Variants in CMIP observed in about 807,000 individuals in gnomAD.
CMIP encodes the protein c-Maf inducing protein.
Under a neutral mutation model 97.3 loss-of-function variants are expected in CMIP, and 13 were observed. That is an observed-to-expected ratio of 0.13 (90% CI 0.09 to 0.21). CMIP has a LOEUF of 0.21. Ranked by LOEUF, CMIP falls within the 10% of genes least tolerant of loss-of-function variation. CMIP has a pLI of 1.00. For missense variants in CMIP, 847 were observed against 1,024.9 expected (o/e 0.83, Z 2.37); for synonymous variants, 538 against 436.3 (o/e 1.23, Z -2.91).
chr16:81,471,840 T>G (rs2927336), intron 1 of CMIP, among the ~76,000 whole-genome samples: 25,433 of 152,152 alleles, frequency 0.17, 3,221 homozygotes, highest in African/African-American at 0.36. Flanking sequence ...ACATGCAGTG[T>G]GGACAAACTG....
intron 1 of CMIP, among the ~76,000 whole-genome samples, chr16:81,536,753 CT>C (rs796637063): frequency 2.3e-4 from 35 of 149,818 alleles, no homozygotes; most frequent in African/African-American, 8.3e-4. Flanking sequence ...CACTGCTTGT[CT>C]TTTTTTTTTC....
chr16:81,498,927 T>C (rs887651380), intron 1 of CMIP, among the ~76,000 whole-genome samples: 85 of 152,352 alleles, frequency 5.6e-4, no homozygotes, highest in African/African-American at 1.8e-3. Context: ...ATTTATTTTT[T>C]AACACACACA....
chr16:81,549,757 A>G (rs2090616647), intron 1 of CMIP, among the ~76,000 whole-genome samples: 1 of 152,350 alleles, frequency 6.6e-6, no homozygotes, highest in African/African-American at 2.4e-5. Context: ...TGGGTGCCCC[A>G]GCAGGGCACA....
intron 1 of CMIP, among the ~76,000 whole-genome samples, chr16:81,511,792 GC>G (rs2089815572): frequency 6.6e-6 from 1 of 152,058 alleles, no homozygotes; most frequent in South Asian, 2.1e-4. Context: ...GAACTCCTGG[GC>G]TCAAGTGATC....
At chr16:81,509,645 G>T (rs1314033634) in intron 1 of CMIP, among the ~76,000 whole-genome samples, 1 of 152,314 alleles carries the variant, frequency 6.6e-6, no homozygotes, top group East Asian at 1.9e-4. Flanking sequence ...GCGGCCCTAA[G>T]CAGAGCCCTA....
At chr16:81,693,072 G>C (rs2151082413) in intron 11 of CMIP, 86 bp from the exon 12 acceptor site, 1 of 941,854 alleles carries the variant, frequency 1.1e-6, no homozygotes, top group South Asian at 1.4e-5. Context: ...ATAAAGTCTA[G>C]ACGTCCCCAG....
chr16:81,623,131 G>T (rs2092014937), intron 3 of CMIP, among the ~76,000 whole-genome samples: 1 of 152,204 alleles, frequency 6.6e-6, no homozygotes, highest in Admixed American at 6.5e-5. Context: ...TTGAGCCCAG[G>T]AGATGGAGGT....
chr16:81,709,793 C>T lies in CMIP; in HGVS notation c.2316C>T (p.Ala772=). Residue 772 remains alanine (A), a synonymous_variant, in exon 21 of 21, where the codon GCC becomes GCT. Transcript: ENST00000537098. ...LKEVDVRYTE[A]W is the part of the protein sequence containing the mutation. Reference sequence around the variant, plus strand: ...AAGTGGACGTCCGCTACACCGAAGCCTGGTGAAGCTCCCAGCTCAAGGCAG... The same window carrying T: ...AAGTGGACGTCCGCTACACCGAAGCTTGGTGAAGCTCCCAGCTCAAGGCAG... The T allele has an allele frequency of 6.2e-7, 1 of 1,613,926 alleles. No homozygotes were observed. Among genetic ancestry groups the T allele is most frequent in the Non-Finnish European group, 8.5e-7 (1 of 1,179,840 alleles).
intron 2 of CMIP, among the ~76,000 whole-genome samples, chr16:81,609,560 A>G (rs2091797560): frequency 6.6e-6 from 1 of 152,240 alleles, no homozygotes. Context: ...AGAGCCATAA[A>G]CAAATGATTA....
At position 81,683,756 on chromosome 16, in the gene CMIP, C is replaced by CTTTTTTTT. The variant is rs71272426; in HGVS notation, c.1388+5144_1388+5151dup. On this transcript the variant is annotated intron_variant, in intron 10 of 20. Transcript: ENST00000537098. ...TTATATGTGTTTATTTTTTCTTTTTCTTTTTTTTTTTTTTTTTTTTTTTGC... is the reference window on the plus strand; with the variant it reads ...TTATATGTGTTTATTTTTTCTTTTTCTTTTTTTTTTTTTTTTTTTTTTTTTTTTTTTGC... Among the ~76,000 whole-genome samples the CTTTTTTTT allele has an allele frequency of 1.5e-3, 123 of 81,610 alleles. 2 individuals are homozygous for CTTTTTTTT. The highest frequency in any genetic ancestry group is 2.1e-3 in the Non-Finnish European group (89 of 42,888). The allele number at this position is 81,610 out of a possible 152,430, so 53.5% of individuals were successfully genotyped here. A position where few individuals can be genotyped will look rare whatever the true frequency, so the allele number is the denominator to read the frequency against.
At chr16:81,664,848 G>T in intron 7 of CMIP, 26 of 188,008 alleles carry the variant, frequency 1.4e-4, no homozygotes, top group Non-Finnish European at 1.7e-4. Context: ...TTCATAGGAC[G>T]TATAAAAACG....
intron 1 of CMIP, among the ~76,000 whole-genome samples, chr16:81,484,714 A>G (rs1489805087): frequency 1.3e-5 from 2 of 152,188 alleles, no homozygotes; most frequent in Non-Finnish European, 2.9e-5. Flanking sequence ...GTGCGCATCC[A>G]GTACTCGGCG....
intron 10 of CMIP, among the ~76,000 whole-genome samples, chr16:81,680,396 G>A (rs894957976): frequency 1.3e-5 from 2 of 152,232 alleles, no homozygotes; most frequent in African/African-American, 2.4e-5. Context: ...AGCAAGGCCT[G>A]TGGTGTCTGT....
At chr16:81,701,206 C>T (rs901863810) in intron 15 of CMIP, among the ~76,000 whole-genome samples, 1 of 152,014 alleles carries the variant, frequency 6.6e-6, no homozygotes, top group Admixed American at 6.5e-5. Flanking sequence ...GCCACATGTG[C>T]AGTCATGAGG....
chr16:81,454,431 CAGAAACATCTTAGGT>C (rs1360810826), intron 1 of CMIP, among the ~76,000 whole-genome samples: 2 of 152,194 alleles, frequency 1.3e-5, no homozygotes. Flanking sequence ...CAGCCTCCTG[CAGAAACATCTTAGGT>C]AGAAATAAGT....
rs1207348483 is a variant in CMIP at position 81,711,392 on chromosome 16, A to G, written c.*1593A>G. ...ATTTTTTTAAAAAAGGAAAAAAAAA[A>G]GAAACTGGGTTCCAGTCTTAATTCA... On this transcript the variant is annotated 3_prime_UTR_variant, in exon 21 of 21. Transcript: ENST00000537098. The G allele has an allele frequency of 6.6e-6, 1 of 152,096 alleles. No individual in the cohort carries two copies. The highest frequency in any genetic ancestry group is 2.4e-5 in the African/African-American group (1 of 41,368). 9.4% of individuals were successfully genotyped at this position (152,096 alleles called of 1,614,324 possible).
intron 1 of CMIP, among the ~76,000 whole-genome samples, chr16:81,582,472 A>G (rs1467204508): frequency 1.3e-5 from 2 of 152,052 alleles, no homozygotes; most frequent in Non-Finnish European, 2.9e-5. Context: ...GTGGTTTTTC[A>G]TTGCTCCCTG....
rs1183922923 is a variant in CMIP at position 81,445,508 on chromosome 16, A to G, written c.267A>G (p.Leu89=). The change falls in exon 1 of 21, where the codon CTA becomes CTG. Residue 89 remains leucine, a synonymous_variant. Transcript: ENST00000537098. ...KFLRRWEPHH[L]TLADNSLASA... is the part of the protein sequence containing the mutation. The stretch of plus-strand genomic sequence containing the variant: ...TGAGGCGCTGGGAGCCGCACCACCT[A>G]ACGCTGGCCGACAACAGCCTGGCGT... 6 of 1,551,932 alleles carry G rather than the reference A, an allele frequency of 3.9e-6. No individual in the cohort carries two copies. The East Asian group carries it at 9.8e-5, about 25-fold the overall frequency.
chr16:81,645,749 C>A, intron 3 of CMIP: 1 of 839,190 alleles, frequency 1.2e-6, no homozygotes, highest in Non-Finnish European at 1.9e-6. Context: ...CTCCTGAGTT[C>A]TACCTCCCTG....
Sources: allele counts gnomAD v4.1 joint callset (sites outside exome capture counted in the v4.1 genomes callset), GRCh38; gene constraint gnomAD v4.1.1; transcripts MANE v1.5; gene names NCBI Gene and HGNC (gene_info 2026-07-23, HGNC 2026-07-21).